Variants in MRPS9 observed in about 807,000 individuals in gnomAD.
MRPS9 encodes the protein small ribosomal subunit protein uS9m.
In MRPS9, 45 loss-of-function variants were observed where a neutral mutation model predicts 59.9. The ratio of observed to expected loss-of-function variants is 0.75; its 90% CI spans 0.59 to 0.96. The LOEUF (loss-of-function observed/expected upper bound fraction) is 0.96. Among genes scored for constraint, MRPS9 ranks in the 40% least tolerant of loss-of-function variants. The probability of loss-of-function intolerance (pLI) is 0.00; values close to 1 mark genes in which losing one functional copy is unlikely to be tolerated. For missense variants in MRPS9, 473 were observed against 481.1 expected (o/e 0.98, Z 0.16); for synonymous variants, 171 against 166.8 (o/e 1.03, Z -0.19).
intron 7 of MRPS9, chr2:105,091,402 G>A: frequency 2.1e-6 from 1 of 471,052 alleles, no homozygotes; most frequent in Middle Eastern, 3.3e-4. Context: ...GACTGGAGAG[G>A]AGCATGGAGC....
intron 4 of MRPS9, among the ~76,000 whole-genome samples, chr2:105,077,416 A>G (rs1277153806): frequency 1.3e-5 from 2 of 152,224 alleles, no homozygotes; most frequent in Non-Finnish European, 2.9e-5. Context: ...AATAATATAC[A>G]GGCCGTAAAA....
At chr2:105,041,849 G>A (rs1241764633) in intron 1 of MRPS9, among the ~76,000 whole-genome samples, 1 of 152,120 alleles carries the variant, frequency 6.6e-6, no homozygotes, top group East Asian at 1.9e-4. Flanking sequence ...ATAGAATTGA[G>A]TGTGTTCCTC....
intron 9 of MRPS9, 106 bp from the exon 10 acceptor site, chr2:105,097,049 G>A: frequency 1.7e-6 from 2 of 1,172,124 alleles, no homozygotes; most frequent in Non-Finnish European, 2.3e-6. Context: ...AAGTATAACA[G>A]TGGCATGCAG....
chr2:105,097,184 T>A lies in MRPS9; in HGVS notation c.959T>A (p.Val320Asp), dbSNP rs773697249. 1 of 1,594,382 alleles carries A rather than the reference T, an allele frequency of 6.3e-7. No homozygotes were observed. Among genetic ancestry groups the A allele is most frequent in the Non-Finnish European group, 8.5e-7 (1 of 1,170,966 alleles). ...REQLMFPFHF[V>D]DRLGKHDVTC... ...CAGCTGATGTTCCCTTTCCACTTTGTTGACCGGCTGGGAAAGCACGACGTG... is the reference window on the plus strand; with the variant it reads ...CAGCTGATGTTCCCTTTCCACTTTGATGACCGGCTGGGAAAGCACGACGTG... Residue 320 changes from valine (V) to aspartate (D), a missense_variant, in exon 10 of 11, where the codon GTT (valine) becomes GAT (aspartate). Physicochemically the swap from Val to Asp is radical, Grantham distance 152. Transcript: ENST00000258455.
At chr2:105,049,408 C>G in intron 2 of MRPS9, 58 bp downstream of exon 2, 1 of 1,434,382 alleles carries the variant, frequency 7.0e-7, no homozygotes, top group Non-Finnish European at 9.6e-7. Flanking sequence ...ATATTAAAAG[C>G]ACTTTTCTTC....
At chr2:105,090,539 A>G (rs1233726782) in intron 7 of MRPS9, among the ~76,000 whole-genome samples, 1 of 152,202 alleles carries the variant, frequency 6.6e-6, no homozygotes, top group Non-Finnish European at 1.5e-5. Flanking sequence ...CCCTAGATCT[A>G]GCTCAGAATC....
chr2:105,077,986 T>A (rs1190572308), intron 4 of MRPS9, among the ~76,000 whole-genome samples: 1 of 152,068 alleles, frequency 6.6e-6, no homozygotes, highest in South Asian at 2.1e-4. Flanking sequence ...GGAAAAAAAA[T>A]TGTTTTAAGT....
intron 4 of MRPS9, among the ~76,000 whole-genome samples, chr2:105,073,335 C>A (rs995198338): frequency 6.6e-6 from 1 of 151,988 alleles, no homozygotes; most frequent in African/African-American, 2.4e-5. Flanking sequence ...TGCAAAATGC[C>A]CATGTGTTAT....
chr2:105,042,505 C>T (rs565942224), intron 1 of MRPS9, among the ~76,000 whole-genome samples: 1 of 152,320 alleles, frequency 6.6e-6, no homozygotes, highest in South Asian at 2.1e-4. Flanking sequence ...GGAAGACCCA[C>T]ATATACTTAT....
intron 1 of MRPS9, among the ~76,000 whole-genome samples, chr2:105,044,901 T>G (rs958043012): frequency 6.6e-6 from 1 of 152,040 alleles, no homozygotes; most frequent in Non-Finnish European, 1.5e-5. Flanking sequence ...ATCAGTTGAG[T>G]GAGGAGGAGC....
chr2:105,071,007 CCA>C (rs1407893733), intron 2 of MRPS9, among the ~76,000 whole-genome samples: 1 of 152,204 alleles, frequency 6.6e-6, no homozygotes, highest in Non-Finnish European at 1.5e-5. Flanking sequence ...AAGCACATTT[CCA>C]CAGAATCCAG....
intron 5 of MRPS9, among the ~76,000 whole-genome samples, chr2:105,087,406 T>C (rs958972018): frequency 6.6e-6 from 1 of 152,190 alleles, no homozygotes; most frequent in Non-Finnish European, 1.5e-5. Context: ...CTAGCCAGTC[T>C]AGGCTTGGAT....
intron 2 of MRPS9, among the ~76,000 whole-genome samples, chr2:105,054,446 C>A (rs902808267): frequency 6.6e-6 from 1 of 152,178 alleles, no homozygotes; most frequent in Admixed American, 6.5e-5. Context: ...AGCTTGGTAT[C>A]TAAAAAGCCC....
chr2:105,083,383 T>C (rs1051129446), intron 5 of MRPS9, among the ~76,000 whole-genome samples: 3 of 152,140 alleles, frequency 2.0e-5, no homozygotes, highest in Admixed American at 1.3e-4. Flanking sequence ...CTGCAGCAGC[T>C]TGGGCCTGTC....
At chr2:105,075,710 T>C (rs906631584) in intron 4 of MRPS9, among the ~76,000 whole-genome samples, 1 of 152,146 alleles carries the variant, frequency 6.6e-6, no homozygotes, top group Non-Finnish European at 1.5e-5. Flanking sequence ...TTTTTTTCTC[T>C]CCAGGAAAAT....
intron 2 of MRPS9, 87 bp from the exon 3 acceptor site, chr2:105,071,226 G>A (rs1202906887): frequency 9.8e-7 from 1 of 1,015,912 alleles, no homozygotes. Flanking sequence ...CTAGTTCAAT[G>A]TCCAGCATAT....
At chr2:105,048,024 C>T (rs138343212) in intron 1 of MRPS9, among the ~76,000 whole-genome samples, 116 of 152,148 alleles carry the variant, frequency 7.6e-4, no homozygotes, top group African/African-American at 2.7e-3. Flanking sequence ...TATTTCTCCA[C>T]ATCCTCTCCA....
Position 105,079,969 on chromosome 2 carries a change from C to G in MRPS9, c.410-14C>G. The G allele has an allele frequency of 3.1e-6, 5 of 1,604,862 alleles. No individual in the cohort carries two copies. Among genetic ancestry groups the G allele is most frequent in the Non-Finnish European group, 4.3e-6 (5 of 1,174,706 alleles). ...TATATTTTTATTTGCTTTCATCTGG[C>G]TTTTTTAAATCAGCAATCCAGTGGG... is the stretch of plus-strand genomic sequence containing the variant. On this transcript the variant is annotated splice_polypyrimidine_tract_variant and intron_variant, in intron 4 of 10. Coordinates refer to ENST00000258455, the MANE Select transcript of MRPS9 (RefSeq NM_182640.3).
At chr2:105,076,800 A>G (rs13007883) in intron 4 of MRPS9, among the ~76,000 whole-genome samples, 1 of 152,252 alleles carries the variant, frequency 6.6e-6, no homozygotes, top group Admixed American at 6.5e-5. Context: ...AGACACTAGG[A>G]AATTTGAAAC....
Sources: allele counts gnomAD v4.1 joint callset (sites outside exome capture counted in the v4.1 genomes callset), GRCh38; gene constraint gnomAD v4.1.1; transcripts MANE v1.5; gene names NCBI Gene and HGNC (gene_info 2026-07-23, HGNC 2026-07-21).